ZSCAN5A: variants seen among roughly 807,000 people sequenced by gnomAD.
The protein encoded by ZSCAN5A is zinc finger and SCAN domain-containing protein 5A.
Under a neutral mutation model 23.7 loss-of-function variants are expected in ZSCAN5A, and 12 were observed. That is an observed-to-expected ratio of 0.51 (90% CI 0.32 to 0.82). The LOEUF is 0.82. Ranked by LOEUF, ZSCAN5A falls within the 40% of genes least tolerant of loss-of-function variation. The pLI is 0.03. For synonymous variants in ZSCAN5A, 257 were observed against 239.9 expected, an observed-to-expected ratio of 1.07 and a Z score of -0.66; for missense variants, 597 against 617.9, an observed-to-expected ratio of 0.97 and a Z score of 0.36.
At chr19:56,223,316 C>T (rs2033496954) in intron 4 of ZSCAN5A, among the ~76,000 whole-genome samples, 3 of 152,204 alleles carry the variant, frequency 2.0e-5, no homozygotes, top group Admixed American at 2.0e-4. Flanking sequence ...TGAATTATTA[C>T]ATTAAATGTC....
At chr19:56,289,200 A>T (rs538877512) in intron 2 of ZSCAN5A, among the ~76,000 whole-genome samples, 1 of 152,208 alleles carries the variant, frequency 6.6e-6, no homozygotes, top group East Asian at 1.9e-4. Flanking sequence ...AGGGTCTGAG[A>T]GCTGCATTGG....
intron 2 of ZSCAN5A, among the ~76,000 whole-genome samples, chr19:56,286,186 T>C (rs1286053301): frequency 6.6e-6 from 1 of 151,962 alleles, no homozygotes; most frequent in Non-Finnish European, 1.5e-5. Context: ...CATGCTCGGC[T>C]AATTTTTGTA....
intron 2 of ZSCAN5A, among the ~76,000 whole-genome samples, chr19:56,325,862 C>G (rs2041427543): frequency 6.6e-6 from 1 of 151,824 alleles, no homozygotes; most frequent in South Asian, 2.1e-4. Context: ...CTTTTGCCAG[C>G]TTTGAGTTTT....
rs1275160468 is a variant in ZSCAN5A at position 56,237,886 on chromosome 19, C to CA, written c.-127-12714dup. ...GACCTGAGATTGTGCCACTGTGCTCCAGCCTGGGTGGCAGAGTGAGGTTCT... is the reference window on the plus strand; with the variant it reads ...GACCTGAGATTGTGCCACTGTGCTCCAAGCCTGGGTGGCAGAGTGAGGTTCT... On this transcript the variant is annotated intron_variant, in intron 2 of 5. Coordinates refer to ENST00000683990, the MANE Select transcript of ZSCAN5A (RefSeq NM_001322064.3). Among the ~76,000 whole-genome samples, 3 of 151,858 alleles carry CA rather than the reference C, an allele frequency of 2.0e-5. No individual in the cohort carries two copies. The East Asian group carries it at 5.8e-4, about 29-fold the overall frequency.
intron 2 of ZSCAN5A, chr19:56,322,234 C>G (rs1163214294): frequency 9.5e-7 from 1 of 1,047,126 alleles, no homozygotes; most frequent in African/African-American, 1.6e-5. Context: ...AATAAGCAAA[C>G]TGAGAAAGTC....
chr19:56,281,571 T>C, intron 2 of ZSCAN5A: 1 of 377,664 alleles, frequency 2.6e-6, no homozygotes, highest in Non-Finnish European at 3.6e-6. Context: ...AAATGTTCCA[T>C]GAAGGAATAA....
At chr19:56,292,305 A>G (rs1382804177) in intron 2 of ZSCAN5A, among the ~76,000 whole-genome samples, 1 of 152,202 alleles carries the variant, frequency 6.6e-6, no homozygotes, top group Non-Finnish European at 1.5e-5. Context: ...TTTTTTAGAG[A>G]CAGGATCTTG....
chr19:56,249,429 C>T lies in ZSCAN5A; in HGVS notation c.-127-24256G>A, dbSNP rs886084967. On this transcript the variant is annotated intron_variant, in intron 2 of 5. Transcript: ENST00000683990. ...TGCAATTACAGGTGTGCCGCCACCA[C>T]GCCTGGCTAATTTTTTATTTTTAGT... 4.6e-5 allele frequency among the ~76,000 whole-genome samples: 7 copies of T among 152,176 alleles called. No homozygotes were observed. In the East Asian group the frequency reaches 5.8e-4, roughly 13 times the overall value.
intron 2 of ZSCAN5A, among the ~76,000 whole-genome samples, chr19:56,252,198 G>A (rs1201536003): frequency 6.6e-6 from 1 of 152,226 alleles, no homozygotes; most frequent in Non-Finnish European, 1.5e-5. Context: ...TGCTGGGTAA[G>A]AGAGGATATG....
rs1267909192 is a variant in ZSCAN5A at position 56,224,585 on chromosome 19, T to C, written c.384+78A>G. 7.9e-6 allele frequency: 12 copies of C among 1,512,990 alleles called. No individual in the cohort carries two copies. In the East Asian group the frequency reaches 2.5e-4, roughly 32 times the overall value. The allele number at this position is 1,512,990 out of a possible 1,614,324, so 93.7% of individuals were successfully genotyped here. ...CCCTGACCTAGAGCAGCCCCTCGGG[T>C]CCTCTCGAGTCCAGCTGCACCGTGC... On this transcript the variant is annotated intron_variant, in intron 3 of 5. Transcript: ENST00000683990.
At chr19:56,228,276 C>A in intron 2 of ZSCAN5A, 1 of 985,378 alleles carries the variant, frequency 1.0e-6, no homozygotes, top group South Asian at 4.7e-5. Flanking sequence ...CTGCCTCCGA[C>A]CTTCTCGGTC....
intron 2 of ZSCAN5A, among the ~76,000 whole-genome samples, chr19:56,271,014 T>C (rs2037808370): frequency 1.3e-5 from 2 of 152,216 alleles, no homozygotes; most frequent in South Asian, 4.1e-4. Context: ...ATATTAATGA[T>C]GTTCTACATC....
At chr19:56,254,296 A>G (rs893684846) in intron 2 of ZSCAN5A, among the ~76,000 whole-genome samples, 3 of 152,240 alleles carry the variant, frequency 2.0e-5, no homozygotes, top group East Asian at 1.9e-4. Flanking sequence ...AGACTATTTT[A>G]TTTATTATAC....
At chr19:56,230,577 C>T (rs2034370854) in intron 2 of ZSCAN5A, among the ~76,000 whole-genome samples, 1 of 151,724 alleles carries the variant, frequency 6.6e-6, no homozygotes, top group Non-Finnish European at 1.5e-5. Context: ...GCTGGGGTTA[C>T]AGGCACGAGC....
chr19:56,353,803 AAAT>A (rs905114705), intron 2 of ZSCAN5A, among the ~76,000 whole-genome samples: 1 of 151,784 alleles, frequency 6.6e-6, no homozygotes, highest in Non-Finnish European at 1.5e-5. Flanking sequence ...ATAAAATAAA[AAAT>A]AAATAAATAA....
chr19:56,328,985 AC>A (rs997830904), intron 2 of ZSCAN5A, among the ~76,000 whole-genome samples: 9 of 143,382 alleles, frequency 6.3e-5, no homozygotes, highest in African/African-American at 1.1e-4. Context: ...ACAGAGCGAG[AC>A]TCCGTCTCAA....
At chr19:56,302,316 CCCT>C (rs768963872) in intron 2 of ZSCAN5A, among the ~76,000 whole-genome samples, 1,689 of 146,008 alleles carry the variant, frequency 0.012, 18 homozygotes, top group Non-Finnish European at 0.016. Context: ...TTTTCTCCCT[CCCT>C]CCCTCCCCTT....
rs1274656497 is a variant in ZSCAN5A at position 56,223,687 on chromosome 19, G to T, written c.532C>A (p.Gln178Lys). The T allele has an allele frequency of 5.0e-6, 8 of 1,594,202 alleles. No homozygotes were observed. The highest frequency in any genetic ancestry group is 1.1e-5 in the South Asian group (1 of 89,664). ...SVNQMRPGEG[Q>K]AHRELQILPR... ...AGGATCTGCAGCTCTCGGTGGGCCT[G>T]GCCTTCCCCTGGACGCATCTGGTTC... The change falls in exon 4 of 6, where the codon CAG becomes AAG. Residue 178 changes from glutamine to lysine, a missense_variant. Gln to Lys is a moderately conservative substitution (Grantham distance 53, BLOSUM62 1). Coordinates refer to ENST00000683990, the MANE Select transcript of ZSCAN5A (RefSeq NM_001322064.3).
intron 2 of ZSCAN5A, chr19:56,297,378 C>G (rs1327310906): frequency 1.2e-5 from 2 of 167,400 alleles, no homozygotes; most frequent in Non-Finnish European, 2.4e-5. Context: ...CTCTTCCTCC[C>G]TCCCTCTCTC....
Sources: gnomAD v4.1 joint callset for allele counts (sites outside exome capture counted in the v4.1 genomes callset) on GRCh38, gnomAD v4.1.1 for gene constraint, MANE v1.5 for transcripts, NCBI Gene and HGNC (gene_info 2026-07-23, HGNC 2026-07-21) for gene names.